PLPPR4: variants seen among roughly 807,000 people sequenced by gnomAD.
PLPPR4 encodes phospholipid phosphatase-related protein type 4.
Under a neutral mutation model 56.6 loss-of-function variants are expected in PLPPR4, and 24 were observed. The observed-to-expected ratio is 0.42, with a 90% confidence interval of 0.31 to 0.60. The LOEUF is 0.60. Among genes scored for constraint, PLPPR4 ranks in the 20% least tolerant of loss-of-function variants. The pLI, the probability that PLPPR4 is intolerant of heterozygous loss-of-function variation, is 0.13. For synonymous variants in PLPPR4, 326 were observed against 328.1 expected, an observed-to-expected ratio of 0.99 and a Z score of 0.07; for missense variants, 654 against 885.8, an observed-to-expected ratio of 0.74 and a Z score of 3.32.
intron 3 of PLPPR4, among the ~76,000 whole-genome samples, chr1:99,298,571 A>G (rs1468874070): frequency 6.6e-6 from 1 of 152,166 alleles, no homozygotes; most frequent in Non-Finnish European, 1.5e-5. Context: ...TCCTAGTATG[A>G]TCACAGCTTG....
chr1:99,275,932 T>G (rs1181052999), intron 1 of PLPPR4, among the ~76,000 whole-genome samples: 1 of 152,142 alleles, frequency 6.6e-6, no homozygotes, highest in Non-Finnish European at 1.5e-5. Flanking sequence ...GTACCTCATA[T>G]GAGATGACCC....
At chr1:99,266,859 T>C (rs1304962821) in intron 1 of PLPPR4, among the ~76,000 whole-genome samples, 2 of 152,246 alleles carry the variant, frequency 1.3e-5, no homozygotes, top group African/African-American at 4.8e-5. Context: ...ACTATCACGC[T>C]CCTTTGAAAT....
chr1:99,272,346 A>C (rs546891093), intron 1 of PLPPR4, among the ~76,000 whole-genome samples: 332 of 152,270 alleles, frequency 2.2e-3, no homozygotes, highest in African/African-American at 7.6e-3. Flanking sequence ...GGTTAATATC[A>C]GATCAGGAAT....
At chr1:99,264,727 A>G in intron 1 of PLPPR4, 56 bp downstream of exon 1, 4 of 1,532,396 alleles carry the variant, frequency 2.6e-6, no homozygotes, top group Non-Finnish European at 3.5e-6. Context: ...CTCCTGAGCG[A>G]ATTCAGGTCC....
Position 99,305,782 on chromosome 1 carries a change from A to G in PLPPR4, c.920A>G (p.Asn307Ser), listed in dbSNP as rs781070652. The G allele has an allele frequency of 4.3e-6, 7 of 1,614,086 alleles. No individual in the cohort carries two copies. Among genetic ancestry groups the G allele is most frequent in the Non-Finnish European group, 5.9e-6 (7 of 1,180,012 alleles). ...RSLTDLNQDP[N>S]RLLSAKNGSS... ...CTGACAGACCTCAATCAAGATCCCA[A>G]CCGACTTTTATCTGCTAAAAATGGT... Residue 307 changes from asparagine to serine, a missense_variant, in exon 7 of 7, where the codon AAC becomes AGC. This residue lies in a region of PLPPR4 where 468 missense variants were observed against 554.3 expected (regional missense o/e 0.84). Transcript: ENST00000370185.
rs201251961 is a variant in PLPPR4 at position 99,306,358 on chromosome 1, C to G, written c.1496C>G (p.Ser499Cys). ...PEETQENIST[S>C]PKSSSARAKW... ...GAGACTCAGGAAAACATAAGCACCT[C>G]CCCCAAAAGCAGCTCTGCTCGGGCC... Residue 499 changes from serine to cysteine, a missense_variant, in exon 7 of 7, where the codon TCC (serine) becomes TGC (cysteine). Transcript: ENST00000370185. The surrounding 1 kb of genome is among the most constrained non-coding windows in gnomAD (Gnocchi z 4.0). The G allele has an allele frequency of 6.2e-7, 1 of 1,614,146 alleles. No homozygotes were observed. The highest frequency in any genetic ancestry group is 2.2e-5 in the East Asian group (1 of 44,864).
At chr1:99,300,502 T>A (rs1659858905) in intron 4 of PLPPR4, among the ~76,000 whole-genome samples, 1 of 152,148 alleles carries the variant, frequency 6.6e-6, no homozygotes, top group East Asian at 1.9e-4. Context: ...TTTATGTAAA[T>A]AAAACAATGT....
At chr1:99,275,387 T>C (rs185510490) in intron 1 of PLPPR4, among the ~76,000 whole-genome samples, 14 of 152,300 alleles carry the variant, frequency 9.2e-5, no homozygotes, top group Admixed American at 6.5e-4. Context: ...ATAATATTGG[T>C]TCTGGTAATT....
At chr1:99,298,645 A>G (rs1186651780) in intron 3 of PLPPR4, among the ~76,000 whole-genome samples, 1 of 152,172 alleles carries the variant, frequency 6.6e-6, no homozygotes, top group Non-Finnish European at 1.5e-5. Context: ...ACCATCAGGG[A>G]GAAATAACCC....
chr1:99,275,434 TTC>T (rs1231732950), intron 1 of PLPPR4, among the ~76,000 whole-genome samples: 1 of 152,112 alleles, frequency 6.6e-6, no homozygotes, highest in Non-Finnish European at 1.5e-5. Context: ...TAAGGAAAAA[TTC>T]TTTTTATTAT....
intron 1 of PLPPR4, among the ~76,000 whole-genome samples, chr1:99,270,181 C>G (rs1463594314): frequency 1.3e-5 from 2 of 152,034 alleles, no homozygotes; most frequent in Non-Finnish European, 1.5e-5. Flanking sequence ...TGCACCACCA[C>G]ACCCAGCTAG....
rs149066135 is a variant in PLPPR4 at position 99,287,798 on chromosome 1, G to A, written c.79-167G>A. On this transcript the variant is annotated intron_variant, in intron 1 of 6. Coordinates refer to ENST00000370185, the MANE Select transcript of PLPPR4 (RefSeq NM_014839.5). ...TGCGTAACAGGCTGTGACTAAGGGG[G>A]GTGAATTGGAATCCATGTTGAAGGT... Among the ~76,000 whole-genome samples, 588 of 152,166 alleles carry A rather than the reference G, an allele frequency of 3.9e-3. 3 individuals are homozygous for A. Among genetic ancestry groups the A allele is most frequent in the African/African-American group, 0.013 (533 of 41,516 alleles).
chr1:99,275,758 A>T (rs1659169456), intron 1 of PLPPR4, among the ~76,000 whole-genome samples: 1 of 152,152 alleles, frequency 6.6e-6, no homozygotes, highest in African/African-American at 2.4e-5. Flanking sequence ...ACATCCTAGA[A>T]AATGCCTACT....
At chr1:99,301,419 C>T (rs1659881298) in intron 5 of PLPPR4, among the ~76,000 whole-genome samples, 1 of 151,926 alleles carries the variant, frequency 6.6e-6, no homozygotes, top group Non-Finnish European at 1.5e-5. Flanking sequence ...GTACAATAGT[C>T]CGTGAAGTCT....
At chr1:99,268,353 T>C (rs1658960810) in intron 1 of PLPPR4, among the ~76,000 whole-genome samples, 1 of 152,230 alleles carries the variant, frequency 6.6e-6, no homozygotes, top group Admixed American at 6.5e-5. Flanking sequence ...ACAAGAACTC[T>C]GGATAGATGC....
intron 2 of PLPPR4, among the ~76,000 whole-genome samples, chr1:99,293,118 A>G (rs1442356454): frequency 1.3e-5 from 2 of 152,132 alleles, no homozygotes; most frequent in Admixed American, 1.3e-4. Context: ...GACACCCGCC[A>G]CGTGGAGTGG....
At chr1:99,276,408 A>G (rs948022026) in intron 1 of PLPPR4, among the ~76,000 whole-genome samples, 1 of 152,184 alleles carries the variant, frequency 6.6e-6, no homozygotes, top group Non-Finnish European at 1.5e-5. Flanking sequence ...CTTTCATAAT[A>G]TTTAAGTAAA....
chr1:99,295,515 T>A (rs1659720123), intron 2 of PLPPR4, among the ~76,000 whole-genome samples: 1 of 152,254 alleles, frequency 6.6e-6, no homozygotes, highest in Non-Finnish European at 1.5e-5. Context: ...TTTAACAGAC[T>A]GTTAGTATCT....
At chr1:99,282,540 T>G (rs1281427935) in intron 1 of PLPPR4, among the ~76,000 whole-genome samples, 1 of 152,218 alleles carries the variant, frequency 6.6e-6, no homozygotes, top group East Asian at 1.9e-4. Flanking sequence ...ATTTTTACCC[T>G]ATTCCTACTT....
Sources: allele counts gnomAD v4.1 joint callset (sites outside exome capture counted in the v4.1 genomes callset), GRCh38; gene constraint gnomAD v4.1.1; regional missense constraint gnomAD v4.1.1; non-coding constraint Gnocchi (gnomAD v3.1); transcripts MANE v1.5; gene names NCBI Gene and HGNC (gene_info 2026-07-23, HGNC 2026-07-21).